Variants in MAP4K5 observed in about 807,000 individuals in gnomAD.
MAP4K5 encodes the protein mitogen-activated protein kinase kinase kinase kinase 5.
MAP4K5 carries 82 observed loss-of-function variants against 135.6 expected under a neutral mutation model. The ratio of observed to expected loss-of-function variants is 0.60; its 90% CI spans 0.51 to 0.73. MAP4K5 has a LOEUF of 0.73. Ranked by LOEUF, MAP4K5 falls within the 30% of genes least tolerant of loss-of-function variation. MAP4K5 has a pLI of 0.00. For synonymous variants in MAP4K5, 347 were observed against 335.0 expected (o/e 1.04, Z -0.39); for missense variants, 907 against 1,010.9 (o/e 0.90, Z 1.39).
chr14:50,425,595 A>G (rs1194594779), intron 31 of MAP4K5, among the ~76,000 whole-genome samples: 9 of 152,158 alleles, frequency 5.9e-5, no homozygotes, highest in African/African-American at 9.7e-5. Flanking sequence ...ATATTTATAG[A>G]TTATGGAAAA....
intron 2 of MAP4K5, among the ~76,000 whole-genome samples, chr14:50,542,286 G>A (rs1347908192): frequency 4.0e-5 from 6 of 149,990 alleles, no homozygotes; most frequent in South Asian, 2.2e-4. Context: ...CTGTGGTGTC[G>A]GGGGGAGGGG....
Position 50,425,974 on chromosome 14 carries a change from C to T in MAP4K5, c.2330G>A (p.Cys777Tyr). ...SFDFRIESVV[C>Y]LQDSVLAFWK... Reference sequence around the variant, plus strand: ...GAAAGCCAACACACTGTCTTGAAGGCATACTAAAAATGATAAGGGAGAAGT... The same window carrying T: ...GAAAGCCAACACACTGTCTTGAAGGTATACTAAAAATGATAAGGGAGAAGT... The change falls in exon 31 of 33, where the codon TGC becomes TAC. Residue 777 changes from cysteine (C) to tyrosine (Y), a missense_variant. Cys to Tyr is a radical substitution (Grantham distance 194, BLOSUM62 -2). Coordinates refer to ENST00000682126, the MANE Select transcript of MAP4K5 (RefSeq NM_006575.6). The T allele has an allele frequency of 6.2e-7, 1 of 1,603,848 alleles. No homozygotes were observed. Among genetic ancestry groups the T allele is most frequent in the Non-Finnish European group, 8.5e-7 (1 of 1,171,828 alleles).
At chr14:50,424,754 T>C (rs999141287) in intron 31 of MAP4K5, among the ~76,000 whole-genome samples, 4 of 144,640 alleles carry the variant, frequency 2.8e-5, no homozygotes, top group African/African-American at 1.0e-4. Context: ...ATTTCGGAAA[T>C]GGAATCAATA....
intron 3 of MAP4K5, among the ~76,000 whole-genome samples, chr14:50,493,726 G>A (rs2356256): frequency 0.2 from 30,966 of 151,990 alleles, 3,432 homozygotes; most frequent in African/African-American, 0.28. Context: ...CAATTAGGCC[G>A]GGTGCAGTGG....
chr14:50,473,089 T>G (rs1457894851), intron 9 of MAP4K5, among the ~76,000 whole-genome samples: 1 of 152,178 alleles, frequency 6.6e-6, no homozygotes, highest in African/African-American at 2.4e-5. Flanking sequence ...TGTCAGTTAA[T>G]AATTTTTCTT....
chr14:50,424,295 T>A (rs1199270817), intron 31 of MAP4K5, among the ~76,000 whole-genome samples: 2 of 152,044 alleles, frequency 1.3e-5, no homozygotes, highest in African/African-American at 4.8e-5. Context: ...AGTATTAAGT[T>A]CAGAGATGTT....
intron 15 of MAP4K5, 104 bp from the exon 16 acceptor site, chr14:50,447,585 G>A (rs1216912997): frequency 1.6e-6 from 1 of 637,884 alleles, no homozygotes; most frequent in Non-Finnish European, 2.6e-6. Flanking sequence ...TAATCATCTT[G>A]GCATTCAATC....
chr14:50,541,257 AT>A (rs1000025602), intron 2 of MAP4K5, among the ~76,000 whole-genome samples: 5 of 152,290 alleles, frequency 3.3e-5, no homozygotes, highest in African/African-American at 1.2e-4. Flanking sequence ...TTTCCTTGAT[AT>A]CCAGTAGAAT....
chr14:50,457,999 G>A (rs28665731), intron 13 of MAP4K5, among the ~76,000 whole-genome samples: 1,643 of 152,236 alleles, frequency 0.011, 27 homozygotes, highest in African/African-American at 0.038. Flanking sequence ...AATCATGCTG[G>A]AGGAAAATTA....
At chr14:50,493,908 A>C (rs532667430) in intron 3 of MAP4K5, among the ~76,000 whole-genome samples, 1 of 151,838 alleles carries the variant, frequency 6.6e-6, no homozygotes, top group Non-Finnish European at 1.5e-5. Context: ...GAATCACTTG[A>C]ATCCGGGAGG....
intron 15 of MAP4K5, 143 bp downstream of exon 15, chr14:50,448,631 T>G (rs1329951711): frequency 9.1e-6 from 5 of 550,310 alleles, no homozygotes. Context: ...TATAAACTTT[T>G]AAAAACTTTA....
chr14:50,502,259 C>T (rs1237227950), intron 3 of MAP4K5, among the ~76,000 whole-genome samples: 1 of 152,162 alleles, frequency 6.6e-6, no homozygotes, highest in African/African-American at 2.4e-5. Context: ...ACTGGAAGCA[C>T]TATCCTACAA....
At chr14:50,514,243 A>AT (rs5808555) in intron 2 of MAP4K5, among the ~76,000 whole-genome samples, 123,883 of 147,860 alleles carry the variant, frequency 0.84, 53,258 homozygotes, top group Non-Finnish European at 0.93. Flanking sequence ...GGCCTGGCTA[A>AT]TTTTTTTTTT....
At chr14:50,522,127 C>T (rs1268053617) in intron 2 of MAP4K5, among the ~76,000 whole-genome samples, 1 of 151,898 alleles carries the variant, frequency 6.6e-6, no homozygotes, top group South Asian at 2.1e-4. Context: ...GTATTCTATC[C>T]CATTTGTCTT....
At chr14:50,493,725 C>G (rs1453459635) in intron 3 of MAP4K5, among the ~76,000 whole-genome samples, 1 of 151,984 alleles carries the variant, frequency 6.6e-6, no homozygotes, top group East Asian at 1.9e-4. Flanking sequence ...ACAATTAGGC[C>G]GGGTGCAGTG....
chr14:50,455,065 G>C (rs984033675), intron 14 of MAP4K5, among the ~76,000 whole-genome samples: 1 of 151,884 alleles, frequency 6.6e-6, no homozygotes, highest in African/African-American at 2.4e-5. Flanking sequence ...AAATATCTAT[G>C]CCAATTCGGT....
At chr14:50,524,487 G>T (rs545344420) in intron 2 of MAP4K5, among the ~76,000 whole-genome samples, 1 of 152,092 alleles carries the variant, frequency 6.6e-6, no homozygotes. Context: ...TGCAGTTTTA[G>T]TCTACCAGGA....
intron 2 of MAP4K5, among the ~76,000 whole-genome samples, chr14:50,515,944 G>A (rs781265584): frequency 3.3e-5 from 5 of 152,104 alleles, no homozygotes; most frequent in Non-Finnish European, 7.4e-5. Flanking sequence ...CAGAACACTC[G>A]ATTATCCCTC....
chr14:50,505,038 C>A (rs1346284904), intron 2 of MAP4K5, 181 bp from the exon 3 acceptor site: 3 of 457,826 alleles, frequency 6.6e-6, no homozygotes, highest in African/African-American at 2.1e-5. Context: ...AGATAAGACA[C>A]AAAAGTGTTT....
Sources: gnomAD v4.1 joint callset for allele counts (sites outside exome capture counted in the v4.1 genomes callset) on GRCh38, gnomAD v4.1.1 for gene constraint, MANE v1.5 for transcripts, NCBI Gene and HGNC (gene_info 2026-07-23, HGNC 2026-07-21) for gene names.